The following MTFR1 variants were observed in gnomAD, a reference collection of about 807,000 sequenced individuals.
MTFR1 encodes chondrocyte protein with a poly-proline region.
In MTFR1, 28 loss-of-function variants were observed where a neutral mutation model predicts 38.8. The ratio of observed to expected loss-of-function variants is 0.72; its 90% CI spans 0.53 to 0.99. The LOEUF (loss-of-function observed/expected upper bound fraction) is 0.99, where lower values mean the gene tolerates loss of function less well. Among genes scored for constraint, MTFR1 ranks in the 50% least tolerant of loss-of-function variants. The pLI, the probability that MTFR1 is intolerant of heterozygous loss-of-function variation, is 0.00. For missense variants in MTFR1, 358 were observed against 395.5 expected, an observed-to-expected ratio of 0.91 and a Z score of 0.81; for synonymous variants, 145 against 137.0, an observed-to-expected ratio of 1.06 and a Z score of -0.41.
chr8:65,663,011 C>T (rs961264665), intron 1 of MTFR1, among the ~76,000 whole-genome samples: 1 of 152,090 alleles, frequency 6.6e-6, no homozygotes, highest in Non-Finnish European at 1.5e-5. Context: ...TGCCCGGCCA[C>T]CACCCTGTCT....
At chr8:65,721,019 T>C (rs2129063857) in intron 3 of MTFR1, among the ~76,000 whole-genome samples, 1 of 152,284 alleles carries the variant, frequency 6.6e-6, no homozygotes, top group African/African-American at 2.4e-5. Context: ...AGCCAACAAA[T>C]TAGCTATCAC....
At chr8:65,724,140 A>G in intron 3 of MTFR1, 1 of 621,728 alleles carries the variant, frequency 1.6e-6, no homozygotes, top group African/African-American at 1.8e-5. Flanking sequence ...AATTGTTACT[A>G]AAAATGTCAA....
intron 2 of MTFR1, among the ~76,000 whole-genome samples, chr8:65,715,860 C>T (rs187515764): frequency 1.7e-4 from 25 of 150,094 alleles, no homozygotes; most frequent in South Asian, 6.3e-4. Context: ...TGGTGGCGGG[C>T]GCCTGTAGTC....
At chr8:65,698,020 T>G (rs1299017514) in intron 4 of MTFR1, among the ~76,000 whole-genome samples, 1 of 152,182 alleles carries the variant, frequency 6.6e-6, no homozygotes, top group Non-Finnish European at 1.5e-5. Flanking sequence ...GTCTAATTTA[T>G]GTATTTTTTT....
At chr8:65,655,961 TATATATACC>T (rs1393903731) in intron 1 of MTFR1, among the ~76,000 whole-genome samples, 1,571 of 32,924 alleles carry the variant, frequency 0.048, 131 homozygotes, top group African/African-American at 0.15. Flanking sequence ...AATATATATA[TATATATACC>T]ATATATATAT....
At chr8:65,765,488 C>CAAAAAAAAAAAAAAA (rs11342419) in intron 3 of MTFR1, 1 of 44,586 alleles carries the variant, frequency 2.2e-5, no homozygotes, top group Non-Finnish European at 3.8e-5. Flanking sequence ...GACTCCGTCT[C>CAAAAAAAAAAAAAAA]AAAAAAAAAA....
downstream of MTFR1, among the ~76,000 whole-genome samples, chr8:65,713,180 C>G (rs542948515): frequency 5.3e-5 from 8 of 152,282 alleles, no homozygotes; most frequent in East Asian, 7.7e-4. Flanking sequence ...GTGGCTCACG[C>G]CTATAATCCC....
At chr8:65,719,749 A>T in intron 3 of MTFR1, 1 of 470,732 alleles carries the variant, frequency 2.1e-6, no homozygotes, top group Non-Finnish European at 3.8e-6. Flanking sequence ...TTTTCTGGTT[A>T]TCCTTCTCAG....
At chr8:65,675,644 A>G (rs955780413) in intron 2 of MTFR1, among the ~76,000 whole-genome samples, 3 of 152,158 alleles carry the variant, frequency 2.0e-5, no homozygotes, top group African/African-American at 7.2e-5. Context: ...ACCTTAACTC[A>G]TTTAATGCTC....
Position 65,724,441 on chromosome 8 carries a change from A to G in MTFR1, c.*48+4960A>G, listed in dbSNP as rs1806524443. Reference sequence around the variant, plus strand: ...CAAGTGCAAGGACTGGATTAACCATAAATATAAATAAATAAGCCAGAAATA... The same window carrying G: ...CAAGTGCAAGGACTGGATTAACCATGAATATAAATAAATAAGCCAGAAATA... On this transcript the variant is annotated intron_variant, in intron 3 of 3. Transcript: ENST00000521247. 3 of 711,128 alleles carry G rather than the reference A, an allele frequency of 4.2e-6. No homozygotes were observed. The South Asian group carries it at 6.4e-5, about 15-fold the overall frequency. The allele number at this position is 711,128 out of a possible 1,614,324, so 44.1% of individuals were successfully genotyped here.
intron 3 of MTFR1, among the ~76,000 whole-genome samples, chr8:65,735,778 A>T (rs1017554925): frequency 2.6e-5 from 4 of 152,144 alleles, no homozygotes; most frequent in African/African-American, 9.7e-5. Flanking sequence ...GGCACCTGCC[A>T]TCATGCTCGG....
downstream of MTFR1, among the ~76,000 whole-genome samples, chr8:65,712,367 C>A (rs187323264): frequency 3.3e-5 from 5 of 152,302 alleles, no homozygotes; most frequent in Middle Eastern, 3.4e-3. Context: ...AGAGACTGCT[C>A]TGTAACCCAG....
intron 2 of MTFR1, among the ~76,000 whole-genome samples, chr8:65,680,947 C>T (rs1410965952): frequency 2.1e-5 from 3 of 145,008 alleles, no homozygotes; most frequent in Non-Finnish European, 4.5e-5. Flanking sequence ...GCTCTGTCGC[C>T]CAGGCCGGAC....
chr8:65,776,139 A>G (rs1809253060), downstream of MTFR1, among the ~76,000 whole-genome samples: 2 of 151,906 alleles, frequency 1.3e-5, no homozygotes, highest in Non-Finnish European at 2.9e-5. Flanking sequence ...CCAAAATTTG[A>G]TTTTTTTTAA....
intron 1 of MTFR1, among the ~76,000 whole-genome samples, chr8:65,649,493 T>C (rs1809058475): frequency 6.6e-6 from 1 of 152,064 alleles, no homozygotes; most frequent in Non-Finnish European, 1.5e-5. Flanking sequence ...CCATTTTATC[T>C]TTATTTTTAT....
intron 3 of MTFR1, among the ~76,000 whole-genome samples, chr8:65,753,574 G>T (rs1270145423): frequency 2.0e-5 from 3 of 151,882 alleles, no homozygotes; most frequent in African/African-American, 4.8e-5. Context: ...CTAACATATG[G>T]TCTATTCAAT....
chr8:65,646,069 A>C (rs1050173385), intron 1 of MTFR1, among the ~76,000 whole-genome samples: 1 of 152,322 alleles, frequency 6.6e-6, no homozygotes, highest in South Asian at 2.1e-4. Context: ...AATCAGAGTT[A>C]CCAGATAATC....
intron 3 of MTFR1, among the ~76,000 whole-genome samples, chr8:65,749,756 C>G (rs937971226): frequency 3.9e-5 from 6 of 152,104 alleles, no homozygotes; most frequent in African/African-American, 1.4e-4. Context: ...TAGGGTGACA[C>G]CTGGATTAAA....
rs1403044408 is a variant in MTFR1, at chr8:65,655,965, TATACC to T, written c.-81+11185_-81+11189del. Among the ~76,000 whole-genome samples, 107 of 30,170 alleles carry T rather than the reference TATACC, an allele frequency of 3.5e-3. 10 individuals carry two copies. Among genetic ancestry groups the T allele is most frequent in the South Asian group, 7.5e-3 (10 of 1,342 alleles). 19.8% of individuals were successfully genotyped at this position (30,170 alleles called of 152,430 possible). A position where few individuals can be genotyped will look rare whatever the true frequency, so the allele number is the denominator to read the frequency against. On this transcript the variant is annotated intron_variant, in intron 1 of 7. Transcript: ENST00000262146. ...TTAAAAAAAAAAATATATATATATATATACCATATATATATATATGGTAGTGGGTT... is the reference window on the plus strand; with the variant it reads ...TTAAAAAAAAAAATATATATATATATATATATATATATATGGTAGTGGGTT...
Sources: gnomAD v4.1 joint callset for allele counts (sites outside exome capture counted in the v4.1 genomes callset) on GRCh38, gnomAD v4.1.1 for gene constraint, MANE v1.5 for transcripts, NCBI Gene and HGNC (gene_info 2026-07-23, HGNC 2026-07-21) for gene names.